The following ADCY2 variants were observed in gnomAD, a reference collection of about 807,000 sequenced individuals.
ADCY2 encodes adenylate cyclase type 2.
ADCY2 carries 31 observed loss-of-function variants against 125.2 expected under a neutral mutation model. The observed-to-expected ratio is 0.25, with a 90% CI of 0.19 to 0.33. ADCY2 has a LOEUF of 0.33. ADCY2 is among the 10% of genes least tolerant of loss of function. ADCY2 has a pLI of 1.00. For missense variants in ADCY2, 904 were observed against 1,418.2 expected, an observed-to-expected ratio of 0.64 and a Z score of 5.82; for synonymous variants, 512 against 548.4, an observed-to-expected ratio of 0.93 and a Z score of 0.93.
chr5:7,704,878 C>CAA (rs71591741), intron 7 of ADCY2, among the ~76,000 whole-genome samples: 4 of 91,186 alleles, frequency 4.4e-5, no homozygotes, highest in Non-Finnish European at 2.3e-5. Flanking sequence ...ACTCCATCTC[C>CAA]AAAAAAAAAA....
chr5:7,793,180 G>A (rs537294987), intron 20 of ADCY2, among the ~76,000 whole-genome samples: 12 of 152,248 alleles, frequency 7.9e-5, no homozygotes, highest in Admixed American at 7.8e-4. Flanking sequence ...TGGGTGCGGT[G>A]GCTCAGGCCT....
rs778812617 is a variant in ADCY2, at chr5:7,727,210, C to G, written c.1820C>G (p.Ala607Gly). 6.2e-7 allele frequency: 1 copy of G among 1,614,120 alleles called. No homozygotes were observed. The highest frequency in any genetic ancestry group is 8.5e-7 in the Non-Finnish European group (1 of 1,180,006). Residue 607 changes from alanine to glycine, a missense_variant, in exon 14 of 25, where the codon GCC becomes GGC. Around this residue, in one of 7 missense-constraint regions of ADCY2, gnomAD observed 221 missense variants for 246.2 expected, o/e 0.90. Transcript: ENST00000338316. Reference protein sequence around the residue: ...LPAFKYYVTCACLIFFCIFIV... With the variant: ...LPAFKYYVTCGCLIFFCIFIV... The stretch of plus-strand genomic sequence containing the variant: ...GCGTTCAAGTATTATGTGACTTGTG[C>G]CTGTCTCATATTCTTCTGCATCTTC...
At position 7,743,653 on chromosome 5, in the gene ADCY2, T is replaced by A. The variant is rs780473425; in HGVS notation, c.1872-15T>A. ...CGATCTCCACCCTGACTTGCTGCTT[T>A]TTGTTTCCCGGTAGAACGTCCGTCC... On this transcript the variant is annotated splice_polypyrimidine_tract_variant and intron_variant, in intron 14 of 24. Coordinates refer to ENST00000338316, the MANE Select transcript of ADCY2 (RefSeq NM_020546.3). The A allele has an allele frequency of 6.2e-7, 1 of 1,613,010 alleles. No individual in the cohort carries two copies. Among genetic ancestry groups the A allele is most frequent in the Non-Finnish European group, 8.5e-7 (1 of 1,179,260 alleles).
intron 1 of ADCY2, among the ~76,000 whole-genome samples, chr5:7,407,867 CTT>C (rs963332049): frequency 1.6e-4 from 21 of 127,888 alleles, no homozygotes; most frequent in Admixed American, 3.2e-4. Flanking sequence ...CTCTTCAGTT[CTT>C]TTTTTTTTTT....
chr5:7,627,014 A>C (rs1476766792), intron 4 of ADCY2, among the ~76,000 whole-genome samples: 1 of 152,300 alleles, frequency 6.6e-6, no homozygotes, highest in East Asian at 1.9e-4. Flanking sequence ...AAATAAGAAC[A>C]GTTCGTGAAA....
intron 3 of ADCY2, among the ~76,000 whole-genome samples, chr5:7,585,197 C>A (rs546587094): frequency 1.3e-5 from 2 of 152,040 alleles, no homozygotes; most frequent in Non-Finnish European, 2.9e-5. Flanking sequence ...TCATTTTCTA[C>A]GTGGCAATTT....
At chr5:7,602,792 G>A (rs932204126) in intron 3 of ADCY2, among the ~76,000 whole-genome samples, 5 of 152,166 alleles carry the variant, frequency 3.3e-5, no homozygotes, top group African/African-American at 1.2e-4. Context: ...GTATCCTACA[G>A]CATAGGCAAG....
chr5:7,644,385 T>C (rs1385929721), intron 4 of ADCY2, among the ~76,000 whole-genome samples: 3 of 152,066 alleles, frequency 2.0e-5, no homozygotes, highest in Non-Finnish European at 2.9e-5. Context: ...ACTTCTTTTT[T>C]CCTCTCCTTG....
intron 22 of ADCY2, among the ~76,000 whole-genome samples, chr5:7,813,572 T>G (rs1196212195): frequency 6.6e-6 from 1 of 152,214 alleles, no homozygotes; most frequent in African/African-American, 2.4e-5. Context: ...GAGAAATAAC[T>G]GCTTCATACT....
At chr5:7,667,383 G>T (rs902105276) in intron 4 of ADCY2, among the ~76,000 whole-genome samples, 17 of 152,260 alleles carry the variant, frequency 1.1e-4, no homozygotes, top group African/African-American at 3.4e-4. Flanking sequence ...AGAGACCTCA[G>T]AACAGGAGAG....
chr5:7,529,961 C>T (rs759981788), intron 3 of ADCY2, among the ~76,000 whole-genome samples: 1 of 152,228 alleles, frequency 6.6e-6, no homozygotes, highest in Non-Finnish European at 1.5e-5. Context: ...TTCTGTCTTT[C>T]CCTACAGGAA....
intron 4 of ADCY2, among the ~76,000 whole-genome samples, chr5:7,642,063 A>G (rs1012332288): frequency 6.6e-6 from 1 of 152,204 alleles, no homozygotes; most frequent in Non-Finnish European, 1.5e-5. Context: ...GCCAGGTGGA[A>G]TGGTAGTTCT....
At chr5:7,777,132 T>C (rs1205537133) in intron 18 of ADCY2, among the ~76,000 whole-genome samples, 2 of 152,076 alleles carry the variant, frequency 1.3e-5, no homozygotes, top group Non-Finnish European at 2.9e-5. Context: ...CCCTCAAGCT[T>C]CTGGCTTTCA....
chr5:7,529,977 C>A (rs1734590198), intron 3 of ADCY2, among the ~76,000 whole-genome samples: 1 of 152,206 alleles, frequency 6.6e-6, no homozygotes. Context: ...AGGAACTGAT[C>A]CTGAGGGCAC....
intron 2 of ADCY2, among the ~76,000 whole-genome samples, chr5:7,446,709 G>A (rs145245569): frequency 6.6e-6 from 1 of 152,314 alleles, no homozygotes; most frequent in Non-Finnish European, 1.5e-5. Flanking sequence ...CAGTTCTGCT[G>A]TGAGTGAACA....
At chr5:7,404,611 C>T (rs2111446687) in intron 1 of ADCY2, among the ~76,000 whole-genome samples, 1 of 152,328 alleles carries the variant, frequency 6.6e-6, no homozygotes, top group South Asian at 2.1e-4. Context: ...TGAACACTTT[C>T]CACATGGAAG....
At chr5:7,526,746 T>A (rs1318324648) in intron 3 of ADCY2, among the ~76,000 whole-genome samples, 2 of 152,218 alleles carry the variant, frequency 1.3e-5, no homozygotes, top group African/African-American at 4.8e-5. Context: ...GCAAGTTTTT[T>A]AAATAATTGT....
intron 4 of ADCY2, among the ~76,000 whole-genome samples, chr5:7,654,744 A>G (rs1739261198): frequency 6.6e-6 from 1 of 152,196 alleles, no homozygotes; most frequent in East Asian, 1.9e-4. Context: ...AAACGGGAGC[A>G]GTTAATAAAC....
chr5:7,626,599 G>A (rs1006959844), intron 4 of ADCY2, among the ~76,000 whole-genome samples: 3 of 152,118 alleles, frequency 2.0e-5, no homozygotes, highest in African/African-American at 7.2e-5. Context: ...GCCTTTAACT[G>A]CCTCCACTCA....
Sources: gnomAD v4.1 joint callset for allele counts (sites outside exome capture counted in the v4.1 genomes callset) on GRCh38, gnomAD v4.1.1 for gene constraint, gnomAD v4.1.1 regional missense constraint, MANE v1.5 for transcripts, NCBI Gene and HGNC (gene_info 2026-07-23, HGNC 2026-07-21) for gene names.